Variants in SMG6 observed in about 807,000 individuals in gnomAD.
The protein encoded by SMG6 is SMG6 nonsense mediated mRNA decay factor, also known as telomerase-binding protein EST1A.
A neutral mutation model predicts 142.2 loss-of-function variants in SMG6; 66 were observed. That is an observed-to-expected ratio of 0.46 (90% CI 0.38 to 0.57). SMG6 has a LOEUF of 0.57. Among genes scored for constraint, SMG6 ranks in the 20% least tolerant of loss-of-function variants. SMG6 has a pLI of 0.00. For missense variants in SMG6, 1,793 were observed against 1,832.0 expected (o/e 0.98, Z 0.39); for synonymous variants, 779 against 702.4 (o/e 1.11, Z -1.72).
At chr17:2,208,206 C>T (rs1168889758) in intron 10 of SMG6, among the ~76,000 whole-genome samples, 1 of 152,144 alleles carries the variant, frequency 6.6e-6, no homozygotes, top group African/African-American at 2.4e-5. Context: ...AAATAGCAAA[C>T]CTGCCTCCAC....
At chr17:2,227,905 G>C (rs1597651581) in intron 10 of SMG6, among the ~76,000 whole-genome samples, 1 of 152,130 alleles carries the variant, frequency 6.6e-6, no homozygotes, top group Admixed American at 6.5e-5. Context: ...TAAAATGTAA[G>C]ATTACTGCAA....
chr17:2,252,247 TA>T (rs778163428), intron 8 of SMG6, among the ~76,000 whole-genome samples: 56 of 151,836 alleles, frequency 3.7e-4, no homozygotes, highest in Non-Finnish European at 7.4e-4. Flanking sequence ...CCGTCTCTAC[TA>T]AAAATACAAA....
At chr17:2,116,256 T>A (rs1197085139) in intron 13 of SMG6, among the ~76,000 whole-genome samples, 1 of 151,944 alleles carries the variant, frequency 6.6e-6, no homozygotes, top group Non-Finnish European at 1.5e-5. Flanking sequence ...TTTTTATTTT[T>A]TTTGTACAGG....
intron 10 of SMG6, among the ~76,000 whole-genome samples, chr17:2,220,607 G>T (rs982314991): frequency 6.6e-6 from 1 of 152,196 alleles, no homozygotes; most frequent in Non-Finnish European, 1.5e-5. Context: ...TCCAGCCTGG[G>T]CAACACAGTG....
intron 10 of SMG6, among the ~76,000 whole-genome samples, chr17:2,228,044 A>G (rs1287164859): frequency 6.6e-6 from 1 of 152,202 alleles, no homozygotes. Flanking sequence ...ATGCAAGCAA[A>G]GCAAAATTAT....
intron 13 of SMG6, among the ~76,000 whole-genome samples, chr17:2,140,879 T>C (rs1302895759): frequency 2.6e-5 from 4 of 152,178 alleles, no homozygotes; most frequent in South Asian, 2.1e-4. Context: ...TATTAGTGCA[T>C]TGGAATCACC....
intron 15 of SMG6, among the ~76,000 whole-genome samples, chr17:2,073,324 T>G (rs1597338242): frequency 6.6e-6 from 1 of 151,956 alleles, no homozygotes; most frequent in Non-Finnish European, 1.5e-5. Flanking sequence ...CCTCAGGTGA[T>G]CCGCCCGCCT....
intron 13 of SMG6, among the ~76,000 whole-genome samples, chr17:2,139,206 T>A (rs1487805804): frequency 1.3e-5 from 2 of 152,108 alleles, no homozygotes; most frequent in African/African-American, 4.8e-5. Context: ...ATGGGGAAGT[T>A]GTGCAAGAAA....
rs557128254 is a variant in SMG6 at position 2,255,296 on chromosome 17, C to T, written c.2662-10577G>A. On this transcript the variant is annotated intron_variant, in intron 8 of 18. Transcript: ENST00000263073. ...GCGGGCGCCTGTAGTCCCAGCTACT[C>T]GGGAGGCTGAGGCAGGAGAATGGCG... Among the ~76,000 whole-genome samples, 285 of 146,024 alleles carry T rather than the reference C, an allele frequency of 2.0e-3. 1 individual carries two copies. Among genetic ancestry groups the T allele is most frequent in the Middle Eastern group, 3.5e-3 (1 of 282 alleles).
At chr17:2,184,068 G>C (rs2151680858) in intron 12 of SMG6, among the ~76,000 whole-genome samples, 1 of 152,332 alleles carries the variant, frequency 6.6e-6, no homozygotes, top group African/African-American at 2.4e-5. Context: ...CACAGACACA[G>C]ACAGATACAC....
At chr17:2,112,667 A>T (rs1342096016) in intron 13 of SMG6, among the ~76,000 whole-genome samples, 5 of 151,662 alleles carry the variant, frequency 3.3e-5, no homozygotes, top group African/African-American at 1.2e-4. Flanking sequence ...ATTGAGAACA[A>T]AACTTAAAGC....
chr17:2,191,724 G>C (rs959225895), intron 10 of SMG6, among the ~76,000 whole-genome samples: 1 of 152,136 alleles, frequency 6.6e-6, no homozygotes, highest in Non-Finnish European at 1.5e-5. Context: ...TTATTCCTAT[G>C]GCCAAATACC....
intron 16 of SMG6, 107 bp from the exon 17 acceptor site, chr17:2,065,786 C>T: frequency 1.1e-6 from 1 of 927,498 alleles, no homozygotes; most frequent in Non-Finnish European, 1.6e-6. Context: ...CAGAATCCAT[C>T]CTTCCCCCAC....
At position 2,301,200 on chromosome 17, in the gene SMG6, GA is replaced by G. The variant is rs143540118; in HGVS notation, c.89-537del. 1.5e-3 allele frequency among the ~76,000 whole-genome samples: 226 copies of G among 152,062 alleles called. 3 individuals carry two copies. Among genetic ancestry groups the G allele is most frequent in the East Asian group, 0.013 (66 of 5,182 alleles). On this transcript the variant is annotated intron_variant, in intron 1 of 18. Transcript: ENST00000263073. ...ATTATCAGTCCTGGACATCTCTGGA[GA>G]AAAAAAATGCAACTTTAGTCTTTAA... is the stretch of plus-strand genomic sequence containing the variant.
intron 15 of SMG6, among the ~76,000 whole-genome samples, chr17:2,081,234 T>C (rs116101777): frequency 0.03 from 4,495 of 152,228 alleles, 230 homozygotes; most frequent in African/African-American, 0.1. Flanking sequence ...GGAACAGACC[T>C]AGAAGGCCAG....
intron 8 of SMG6, among the ~76,000 whole-genome samples, chr17:2,248,550 G>A (rs560999763): frequency 2.4e-4 from 36 of 152,194 alleles, no homozygotes; most frequent in Admixed American, 1.0e-3. Context: ...TGCCACTACC[G>A]TATTTTAACT....
chr17:2,065,825 A>AT, intron 16 of SMG6, 146 bp from the exon 17 acceptor site: 1 of 693,658 alleles, frequency 1.4e-6, no homozygotes, highest in African/African-American at 1.8e-5. Context: ...CTAGGGCCGG[A>AT]GGGGAGCTTG....
chr17:2,236,852 C>T lies in SMG6; in HGVS notation c.2724-215G>A. The T allele has an allele frequency of 4.0e-6, 5 of 1,255,122 alleles. No homozygotes were observed. The African/African-American group carries it at 6.1e-5, about 15-fold the overall frequency. 77.7% of individuals were successfully genotyped at this position (1,255,122 alleles called of 1,614,324 possible). ...TCAAGATAAAGGAGTTTTCAGGGTC[C>T]AGAGATGCAAACAACTCAAGTTTTG... On this transcript the variant is annotated intron_variant, in intron 9 of 18. Coordinates refer to ENST00000263073, the MANE Select transcript of SMG6 (RefSeq NM_017575.5).
rs199975798 is a variant in SMG6, at chr17:2,236,698, G to GTC, written c.2724-63_2724-62dup. The GTC allele has an allele frequency of 2.3e-4, 287 of 1,255,944 alleles. 4 individuals are homozygous for GTC. In the African/African-American group the frequency reaches 5.8e-3, roughly 25 times the overall value. The allele number at this position is 1,255,944 out of a possible 1,614,324, so 77.8% of individuals were successfully genotyped here. A position where few individuals can be genotyped will look rare whatever the true frequency, so the allele number is the denominator to read the frequency against. ...TCTCTTTCAGTCTCTCTCTCACTCT[G>GTC]TCTCACACACACACACACACACACA... On this transcript the variant is annotated intron_variant, in intron 9 of 18. Coordinates refer to ENST00000263073, the MANE Select transcript of SMG6 (RefSeq NM_017575.5).
Sources: gnomAD v4.1 joint callset for allele counts (sites outside exome capture counted in the v4.1 genomes callset) on GRCh38, gnomAD v4.1.1 for gene constraint, MANE v1.5 for transcripts, NCBI Gene and HGNC (gene_info 2026-07-23, HGNC 2026-07-21) for gene names.